GPR132: variants seen among roughly 807,000 people sequenced by gnomAD.
The protein encoded by GPR132 is G protein-coupled receptor 132.
A neutral mutation model predicts 1.9 loss-of-function variants in GPR132; 4 were observed. The ratio of observed to expected loss-of-function variants is 2.13; its 90% CI spans 1.05 to 4.87. GPR132 has a LOEUF of 4.87. Ranked by LOEUF, GPR132 falls within the 30% of genes most tolerant of loss-of-function variation. The probability of loss-of-function intolerance (pLI) is 0.01; values close to 1 mark genes in which losing one functional copy is unlikely to be tolerated. For synonymous variants in GPR132, 233 were observed against 234.2 expected (o/e 0.99, Z 0.05); for missense variants, 404 against 512.5 (o/e 0.79, Z 2.04).
rs1158724706 is a variant in GPR132 at position 105,053,886 on chromosome 14, G to C, written c.34+1501C>G. ...TGGAATCACAAAAGTCCTTAAATGTGGGAGAGGGCAAAAGAAAAGGAGATC... is the reference window on the plus strand; with the variant it reads ...TGGAATCACAAAAGTCCTTAAATGTCGGAGAGGGCAAAAGAAAAGGAGATC... On this transcript the variant is annotated intron_variant, in intron 3 of 3. Transcript: ENST00000329797. The C allele has an allele frequency of 2.7e-6, 3 of 1,101,340 alleles. No homozygotes were observed. The South Asian group carries it at 5.5e-5, about 20-fold the overall frequency. 68.2% of individuals were successfully genotyped at this position (1,101,340 alleles called of 1,614,324 possible). A position where few individuals can be genotyped will look rare whatever the true frequency, so the allele number is the denominator to read the frequency against.
At position 105,056,535 on chromosome 14, in the gene GPR132, G is replaced by A. The variant is rs550485448; in HGVS notation, c.-746-369C>T. Among the ~76,000 whole-genome samples the A allele has an allele frequency of 3.7e-4, 57 of 152,320 alleles. No homozygotes were observed. Among genetic ancestry groups the A allele is most frequent in the African/African-American group, 1.2e-3 (50 of 41,566 alleles). ...CTCCCACCTCAGCCTGCACAGAGCC[G>A]CTCTGGTCTGTTCCCTCCCCGACTT... On this transcript the variant is annotated intron_variant, in intron 2 of 3. Coordinates refer to ENST00000329797, the MANE Select transcript of GPR132 (RefSeq NM_013345.4). This position sits in a 1 kb window ranked among gnomAD's most constrained non-coding sequence, Gnocchi z 6.0.
At chr14:105,062,833 C>T (rs1886984265) in intron 1 of GPR132, among the ~76,000 whole-genome samples, 1 of 151,934 alleles carries the variant, frequency 6.6e-6, no homozygotes, top group South Asian at 2.1e-4. Flanking sequence ...AGCCACTACG[C>T]CCAGCTTTTT....
Position 105,056,832 on chromosome 14 carries a change from G to A in GPR132, c.-747+335C>T, listed in dbSNP as rs973032147. Among the ~76,000 whole-genome samples, 6 of 152,122 alleles carry A rather than the reference G, an allele frequency of 3.9e-5. No homozygotes were observed. Among genetic ancestry groups the A allele is most frequent in the South Asian group, 2.1e-4 (1 of 4,740 alleles). On this transcript the variant is annotated intron_variant, in intron 2 of 3. Coordinates refer to ENST00000329797, the MANE Select transcript of GPR132 (RefSeq NM_013345.4). This position sits in a 1 kb window ranked among gnomAD's most constrained non-coding sequence, Gnocchi z 6.0. ...ACGGCACCAGGAGACGCATGGATGC[G>A]GGGGGCTGGTGGTCAGCTCCTCATG...
rs35863392 is a variant in GPR132 at position 105,055,023 on chromosome 14, CA to C, written c.34+363del. Reference sequence around the variant, plus strand: ...AGGGCAACAGAGCAAGACTCCATCTCAAAAAAAAAAAAAAAAAAAAAATTCG... The same window carrying C: ...AGGGCAACAGAGCAAGACTCCATCTCAAAAAAAAAAAAAAAAAAAAATTCG... On this transcript the variant is annotated intron_variant, in intron 3 of 3. Coordinates refer to ENST00000329797, the MANE Select transcript of GPR132 (RefSeq NM_013345.4). The surrounding 1 kb of genome is among the most constrained non-coding windows in gnomAD (Gnocchi z 4.7). 0.66 allele frequency among the ~76,000 whole-genome samples: 60,203 copies of C among 91,082 alleles called. 19,011 individuals carry two copies. Among genetic ancestry groups the C allele is most frequent in the African/African-American group, 0.77 (16,008 of 20,850 alleles). 59.8% of individuals were successfully genotyped at this position (91,082 alleles called of 152,430 possible).
chr14:105,057,350 C>T (rs189094051), intron 1 of GPR132, 70 bp from the exon 2 acceptor site: 10 of 594,122 alleles, frequency 1.7e-5, no homozygotes, highest in Admixed American at 6.0e-5. Flanking sequence ...CATTGACAAA[C>T]GGCTAGTGAG....
At chr14:105,057,671 C>T (rs1319656976) in intron 1 of GPR132, among the ~76,000 whole-genome samples, 4 of 151,072 alleles carry the variant, frequency 2.6e-5, no homozygotes, top group African/African-American at 7.3e-5. Flanking sequence ...CAGTCGCCTG[C>T]CACCACCCCC....
chr14:105,059,992 G>A lies in GPR132; in HGVS notation c.-860-2712C>T, dbSNP rs891018839. Among the ~76,000 whole-genome samples, 4 of 152,256 alleles carry A rather than the reference G, an allele frequency of 2.6e-5. No homozygotes were observed. Among genetic ancestry groups the A allele is most frequent in the African/African-American group, 7.2e-5 (3 of 41,476 alleles). On this transcript the variant is annotated intron_variant, in intron 1 of 3. Transcript: ENST00000329797. This position sits in a 1 kb window ranked among gnomAD's most constrained non-coding sequence, Gnocchi z 4.2. ...ATCTCCAAAGTGATGCCCCCTTGGC[G>A]GTGGGTGGTGTGGGCCGGAGGGGTT...
chr14:105,063,077 CCA>C (rs1178814701), intron 1 of GPR132, among the ~76,000 whole-genome samples: 1 of 152,082 alleles, frequency 6.6e-6, no homozygotes, highest in Non-Finnish European at 1.5e-5. Context: ...GCTGCCATGC[CCA>C]GTTAATTTTT....
In GPR132 at chr14:105,050,259, G is replaced by A. The variant is rs988172801; in HGVS notation, c.*735C>T. 5.2e-5 allele frequency: 8 copies of A among 152,550 alleles called. No homozygotes were observed. Among genetic ancestry groups the A allele is most frequent in the African/African-American group, 1.7e-4 (7 of 41,470 alleles). The allele number at this position is 152,550 out of a possible 1,614,324, so 9.4% of individuals were successfully genotyped here. ...ACGGACCCCTCACCAGCATCTCCCC[G>A]AGGATGCCGCTGGGGACTCCTGGCA... On this transcript the variant is annotated 3_prime_UTR_variant, in exon 4 of 4. Transcript: ENST00000329797. The surrounding 1 kb of genome is among the most constrained non-coding windows in gnomAD (Gnocchi z 4.0).
In GPR132 at chr14:105,060,347, G is replaced by GCTGGCCCAAGTGGGGCCCAA. The variant is rs1387271156; in HGVS notation, c.-860-3068_-860-3067insTTGGGCCCCACTTGGGCCAG. On this transcript the variant is annotated intron_variant, in intron 1 of 3. Transcript: ENST00000329797. The surrounding 1 kb of genome is among the most constrained non-coding windows in gnomAD (Gnocchi z 6.3). ...CCAAGGAAGGCAGACCCCCAGCCAG[G>GCTGGCCCAAGTGGGGCCCAA]CAGGGGGCCCAAGTGGGCTGGGGGC... Among the ~76,000 whole-genome samples the GCTGGCCCAAGTGGGGCCCAA allele has an allele frequency of 2.0e-5, 3 of 152,196 alleles. No individual in the cohort carries two copies. The highest frequency in any genetic ancestry group is 4.4e-5 in the Non-Finnish European group (3 of 68,020).
chr14:105,056,174 G>C lies in GPR132; in HGVS notation c.-746-8C>G. 1 of 986,086 alleles carries C rather than the reference G, an allele frequency of 1.0e-6. No homozygotes were observed. Among genetic ancestry groups the C allele is most frequent in the African/African-American group, 1.7e-5 (1 of 57,392 alleles). 61.1% of individuals were successfully genotyped at this position (986,086 alleles called of 1,614,324 possible). ...CCTTGCTCACCTTCCTCCCTGGGCAGAGGGAGAGAGTGGGTGTGACTGGGC... is the reference window on the plus strand; with the variant it reads ...CCTTGCTCACCTTCCTCCCTGGGCACAGGGAGAGAGTGGGTGTGACTGGGC... On this transcript the variant is annotated splice_region_variant and splice_polypyrimidine_tract_variant and intron_variant, in intron 2 of 3. Coordinates refer to ENST00000329797, the MANE Select transcript of GPR132 (RefSeq NM_013345.4). This position sits in a 1 kb window ranked among gnomAD's most constrained non-coding sequence, Gnocchi z 6.0.
rs900449284 is a variant in GPR132, at chr14:105,061,448, G to A, written c.-861+3931C>T. 2.0e-5 allele frequency among the ~76,000 whole-genome samples: 3 copies of A among 152,238 alleles called. No individual in the cohort carries two copies. In the East Asian group the frequency reaches 5.8e-4, roughly 29 times the overall value. Reference sequence around the variant, plus strand: ...GGGAGCCTCTGCCTCCCCTCGGGGTGAGTGAGCTCAGGATAGGGGCTCAGG... The same window carrying A: ...GGGAGCCTCTGCCTCCCCTCGGGGTAAGTGAGCTCAGGATAGGGGCTCAGG... On this transcript the variant is annotated intron_variant, in intron 1 of 3. Transcript: ENST00000329797.
In GPR132 at chr14:105,049,741, C is replaced by G. The variant is rs1052594581; in HGVS notation, c.*1253G>C. 6.6e-6 allele frequency: 1 copy of G among 152,286 alleles called. No individual in the cohort carries two copies. The highest frequency in any genetic ancestry group is 1.5e-5 in the Non-Finnish European group (1 of 68,118). The allele number at this position is 152,286 out of a possible 1,614,324, so 9.4% of individuals were successfully genotyped here. On this transcript the variant is annotated 3_prime_UTR_variant, in exon 4 of 4. Coordinates refer to ENST00000329797, the MANE Select transcript of GPR132 (RefSeq NM_013345.4). Reference sequence around the variant, plus strand: ...GCTGCAGTGAGCTATGATGGTGCCACTGTTCTCCAGCCCAGGCAACAGAGC... The same window carrying G: ...GCTGCAGTGAGCTATGATGGTGCCAGTGTTCTCCAGCCCAGGCAACAGAGC...
At chr14:105,054,965 G>A (rs1411830684) in intron 3 of GPR132, among the ~76,000 whole-genome samples, 8 of 148,874 alleles carry the variant, frequency 5.4e-5, no homozygotes, top group Admixed American at 4.0e-4. Flanking sequence ...GTGTGAACCC[G>A]GAAGGCAGAG....
In GPR132 at chr14:105,060,330, G is replaced by A. The variant is rs1304775416; in HGVS notation, c.-860-3050C>T. ...AGCCGGAACCAGGAGGGCCAAGGAAGGCAGACCCCCAGCCAGGCAGGGGGC... is the reference window on the plus strand; with the variant it reads ...AGCCGGAACCAGGAGGGCCAAGGAAAGCAGACCCCCAGCCAGGCAGGGGGC... On this transcript the variant is annotated intron_variant, in intron 1 of 3. Coordinates refer to ENST00000329797, the MANE Select transcript of GPR132 (RefSeq NM_013345.4). This position sits in a 1 kb window ranked among gnomAD's most constrained non-coding sequence, Gnocchi z 6.3. Among the ~76,000 whole-genome samples the A allele has an allele frequency of 6.6e-6, 1 of 152,222 alleles. No individual in the cohort carries two copies. The highest frequency in any genetic ancestry group is 1.5e-5 in the Non-Finnish European group (1 of 68,042).
Position 105,056,686 on chromosome 14 carries a change from G to A in GPR132, c.-747+481C>T, listed in dbSNP as rs1197549305. Among the ~76,000 whole-genome samples the A allele has an allele frequency of 1.3e-5, 2 of 152,232 alleles. No homozygotes were observed. Among genetic ancestry groups the A allele is most frequent in the Non-Finnish European group, 2.9e-5 (2 of 68,038 alleles). On this transcript the variant is annotated intron_variant, in intron 2 of 3. Coordinates refer to ENST00000329797, the MANE Select transcript of GPR132 (RefSeq NM_013345.4). This position sits in a 1 kb window ranked among gnomAD's most constrained non-coding sequence, Gnocchi z 6.0. ...TTGGGACCTTCACCTCTGGACACCA[G>A]GTCCGTGGTGTCTGTGGCTCTGTGC...
Position 105,050,655 on chromosome 14 carries a change from A to T in GPR132, c.*339T>A. ...TAAAGTCATCGCCACTGATGCGAACAGGGCAGCCACCAGGTACCTCTGCCA... is the reference window on the plus strand; with the variant it reads ...TAAAGTCATCGCCACTGATGCGAACTGGGCAGCCACCAGGTACCTCTGCCA... On this transcript the variant is annotated 3_prime_UTR_variant, in exon 4 of 4. Transcript: ENST00000329797. This position sits in a 1 kb window ranked among gnomAD's most constrained non-coding sequence, Gnocchi z 4.0. 5.1e-6 allele frequency: 2 copies of T among 389,522 alleles called. No individual in the cohort carries two copies. Among genetic ancestry groups the T allele is most frequent in the Non-Finnish European group, 9.5e-6 (2 of 211,594 alleles). The allele number at this position is 389,522 out of a possible 1,614,324, so 24.1% of individuals were successfully genotyped here.
At chr14:105,058,395 T>A (rs1283792746) in intron 1 of GPR132, among the ~76,000 whole-genome samples, 3 of 152,196 alleles carry the variant, frequency 2.0e-5, no homozygotes, top group African/African-American at 7.2e-5. Context: ...CTGAAAAATG[T>A]TCAACTCCAC....
At position 105,049,473 on chromosome 14, in the gene GPR132, G is replaced by T. The variant is rs1351348999; in HGVS notation, c.*1521C>A. 2.0e-5 allele frequency: 3 copies of T among 151,900 alleles called. No individual in the cohort carries two copies. Among genetic ancestry groups the T allele is most frequent in the African/African-American group, 7.3e-5 (3 of 41,326 alleles). 9.4% of individuals were successfully genotyped at this position (151,900 alleles called of 1,614,324 possible). Reference sequence around the variant, plus strand: ...AGACAAGATTTTGCCATGTTGCCGAGGCTGGTCTCAAACTCCTGACCTCAA... The same window carrying T: ...AGACAAGATTTTGCCATGTTGCCGATGCTGGTCTCAAACTCCTGACCTCAA... On this transcript the variant is annotated 3_prime_UTR_variant, in exon 4 of 4. Transcript: ENST00000329797.
Sources: gnomAD v4.1 joint callset for allele counts (sites outside exome capture counted in the v4.1 genomes callset) on GRCh38, gnomAD v4.1.1 for gene constraint, Gnocchi (gnomAD v3.1) non-coding constraint, MANE v1.5 for transcripts, NCBI Gene and HGNC (gene_info 2026-07-23, HGNC 2026-07-21) for gene names.